GALNT11: variants seen among roughly 807,000 people sequenced by gnomAD.
The protein encoded by GALNT11 is polypeptide N-acetylgalactosaminyltransferase 11.
A neutral mutation model predicts 72.7 loss-of-function variants in GALNT11; 47 were observed. The observed-to-expected ratio is 0.65, with a 90% confidence interval of 0.51 to 0.82. The LOEUF (loss-of-function observed/expected upper bound fraction) is 0.82. GALNT11 is among the 40% of genes least tolerant of loss of function. GALNT11 has a pLI of 0.00. For synonymous variants in GALNT11, 270 were observed against 286.6 expected, an observed-to-expected ratio of 0.94 and a Z score of 0.58; for missense variants, 677 against 778.4, an observed-to-expected ratio of 0.87 and a Z score of 1.55.
At chr7:152,057,004 ATTT>A (rs71198754) in intron 1 of GALNT11, among the ~76,000 whole-genome samples, 129 of 74,910 alleles carry the variant, frequency 1.7e-3, no homozygotes, top group African/African-American at 5.2e-3. Context: ...ATGCCCAGCT[ATTT>A]TTTTTTTTTT....
chr7:152,102,688 A>G (rs1030395237), intron 3 of GALNT11, among the ~76,000 whole-genome samples: 1 of 152,170 alleles, frequency 6.6e-6, no homozygotes, highest in African/African-American at 2.4e-5. Flanking sequence ...AATGTTAGAA[A>G]GAGGCTGAAC....
intron 4 of GALNT11, 44 bp from the exon 5 acceptor site, chr7:152,105,201 A>G (rs1380541210): frequency 7.0e-6 from 11 of 1,582,604 alleles, no homozygotes; most frequent in South Asian, 1.2e-5. Flanking sequence ...GTGTCTTTAT[A>G]TATGTCTCAT....
intron 8 of GALNT11, 111 bp downstream of exon 8, chr7:152,113,509 T>G: frequency 2.4e-6 from 3 of 1,251,250 alleles, no homozygotes; most frequent in Non-Finnish European, 3.3e-6. Context: ...TTGGTTAACC[T>G]TCACCTTAGG....
intron 1 of GALNT11, among the ~76,000 whole-genome samples, chr7:152,085,222 C>T (rs1285891649): frequency 2.6e-5 from 4 of 152,212 alleles, no homozygotes; most frequent in Non-Finnish European, 5.9e-5. Context: ...TCTCAGCTTA[C>T]AAGGCACCTA....
intron 1 of GALNT11, among the ~76,000 whole-genome samples, chr7:152,026,959 T>C (rs2082046640): frequency 6.6e-6 from 1 of 152,320 alleles, no homozygotes; most frequent in East Asian, 1.9e-4. Flanking sequence ...CTTTAAAAAT[T>C]TTTTTATTAG....
intron 9 of GALNT11, chr7:152,118,157 T>A (rs2089064231): frequency 6.4e-6 from 1 of 155,138 alleles, no homozygotes; most frequent in Non-Finnish European, 1.4e-5. Context: ...GGATGTTTAG[T>A]GTCAGGTGTT....
chr7:152,116,111 A>G lies in GALNT11; in HGVS notation c.1234-1046A>G, dbSNP rs146963566. Reference sequence around the variant, plus strand: ...TTTATATATAATTTTTTGATATTGTATAGTGAAATTTTTCAATATTTGGTA... The same window carrying G: ...TTTATATATAATTTTTTGATATTGTGTAGTGAAATTTTTCAATATTTGGTA... On this transcript the variant is annotated intron_variant, in intron 8 of 11. Transcript: ENST00000430044. Among the ~76,000 whole-genome samples the G allele has an allele frequency of 1.0e-3, 155 of 152,336 alleles. No homozygotes were observed. The East Asian group carries it at 0.024, about 24-fold the overall frequency.
chr7:152,068,714 T>C (rs531269715), intron 1 of GALNT11, among the ~76,000 whole-genome samples: 1 of 152,214 alleles, frequency 6.6e-6, no homozygotes, highest in South Asian at 2.1e-4. Context: ...GGTTTATCAC[T>C]TTTTTTGATC....
intron 1 of GALNT11, among the ~76,000 whole-genome samples, chr7:152,066,648 C>T (rs1052253336): frequency 6.6e-6 from 1 of 152,202 alleles, no homozygotes; most frequent in African/African-American, 2.4e-5. Flanking sequence ...CCCTTGAACA[C>T]TTATAAGCCA....
chr7:152,061,725 A>G (rs573950813), intron 1 of GALNT11, among the ~76,000 whole-genome samples: 2 of 152,344 alleles, frequency 1.3e-5, no homozygotes, highest in South Asian at 4.1e-4. Context: ...CATTTATTAA[A>G]TAGGGAATCC....
chr7:152,096,683 G>A (rs908921165), intron 2 of GALNT11, among the ~76,000 whole-genome samples: 1 of 146,896 alleles, frequency 6.8e-6, no homozygotes, highest in Admixed American at 6.9e-5. Context: ...CCATTGTACT[G>A]TAGCCTGGGC....
chr7:152,052,094 A>G (rs2083433651), intron 1 of GALNT11, among the ~76,000 whole-genome samples: 1 of 152,208 alleles, frequency 6.6e-6, no homozygotes, highest in Non-Finnish European at 1.5e-5. Flanking sequence ...GATACCTCAT[A>G]TAAGCAGAAT....
chr7:152,097,331 ATAAACT>A (rs776754768), intron 2 of GALNT11, among the ~76,000 whole-genome samples: 14 of 152,332 alleles, frequency 9.2e-5, no homozygotes, highest in African/African-American at 2.9e-4. Context: ...GGCTATAATA[ATAAACT>A]TAAAAAGGAG....
chr7:152,027,433 C>T (rs1170077321), intron 1 of GALNT11, among the ~76,000 whole-genome samples: 1 of 152,142 alleles, frequency 6.6e-6, no homozygotes, highest in African/African-American at 2.4e-5. Context: ...GGTTTGAACC[C>T]CGATGACGCA....
chr7:152,050,789 C>G (rs1459200594), intron 1 of GALNT11, among the ~76,000 whole-genome samples: 1 of 152,236 alleles, frequency 6.6e-6, no homozygotes, highest in Admixed American at 6.5e-5. Flanking sequence ...CTTGCTGGAA[C>G]TTGAGTTTCC....
rs145327304 is a variant in GALNT11, at chr7:152,103,211, T to C, written c.519T>C (p.Ser173=). Reference sequence around the variant, plus strand: ...CTGCCTTGCTTCGGACAGTGCACAGTGTCATAGACCGCACGCCAGCACACC... The same window carrying C: ...CTGCCTTGCTTCGGACAGTGCACAGCGTCATAGACCGCACGCCAGCACACC... ...AFSALLRTVH[S]VIDRTPAHLL... is the part of the protein sequence containing the mutation. The change falls in exon 4 of 12, where the codon AGT becomes AGC. Residue 173 remains serine, a synonymous_variant. Transcript: ENST00000430044. 216 of 1,613,740 alleles carry C rather than the reference T, an allele frequency of 1.3e-4. 2 individuals are homozygous for C. In the African/African-American group the frequency reaches 2.4e-3, roughly 18 times the overall value.
Position 152,028,961 on chromosome 7 carries a change from G to A in GALNT11, c.-39+3077G>A, listed in dbSNP as rs542611540. Among the ~76,000 whole-genome samples the A allele has an allele frequency of 4.6e-5, 7 of 152,292 alleles. No homozygotes were observed. In the East Asian group the frequency reaches 5.8e-4, roughly 13 times the overall value. ...AAAGGAGGTTAAAAATACAGGGCCC[G>A]AAGGCAAGTAATAGCAAGATGGCTG... On this transcript the variant is annotated intron_variant, in intron 1 of 11. Transcript: ENST00000430044.
At chr7:152,095,237 C>T (rs745625643) in intron 2 of GALNT11, among the ~76,000 whole-genome samples, 3 of 152,100 alleles carry the variant, frequency 2.0e-5, no homozygotes, top group South Asian at 4.1e-4. Flanking sequence ...ATGCAAGACT[C>T]TATTGTCTAT....
At position 152,122,036 on chromosome 7, in the gene GALNT11, A is replaced by C. The variant is rs1247513949; in HGVS notation, c.*359A>C. On this transcript the variant is annotated 3_prime_UTR_variant, in exon 12 of 12. Transcript: ENST00000430044. Reference sequence around the variant, plus strand: ...TGTACAGAAGGATAAAACCCAGGAAAATGGATATTTCTATTCAGATTTATT... The same window carrying C: ...TGTACAGAAGGATAAAACCCAGGAACATGGATATTTCTATTCAGATTTATT... 5.7e-6 allele frequency: 1 copy of C among 174,522 alleles called. No individual in the cohort carries two copies. The highest frequency in any genetic ancestry group is 5.9e-5 in the Admixed American group (1 of 17,032). The allele number at this position is 174,522 out of a possible 1,614,324, so 10.8% of individuals were successfully genotyped here.
Sources: gnomAD v4.1 joint callset for allele counts (sites outside exome capture counted in the v4.1 genomes callset) on GRCh38, gnomAD v4.1.1 for gene constraint, MANE v1.5 for transcripts, NCBI Gene and HGNC (gene_info 2026-07-23, HGNC 2026-07-21) for gene names.